The following MYO9A variants were observed in gnomAD, a reference collection of about 807,000 sequenced individuals.
The protein encoded by MYO9A is myosin IXA.
Under a neutral mutation model 293.3 loss-of-function variants are expected in MYO9A, and 103 were observed. That is an observed-to-expected ratio of 0.35 (90% CI 0.30 to 0.41). The LOEUF (loss-of-function observed/expected upper bound fraction) is 0.41, where lower values mean the gene tolerates loss of function less well. MYO9A is among the 10% of genes least tolerant of loss of function. The pLI is 1.00. For missense variants in MYO9A, 2,685 were observed against 3,033.0 expected (o/e 0.89, Z 2.69); for synonymous variants, 1,001 against 1,035.7 (o/e 0.97, Z 0.64).
At chr15:71,864,363 C>T (rs1374713734) in intron 32 of MYO9A, among the ~76,000 whole-genome samples, 2 of 152,124 alleles carry the variant, frequency 1.3e-5, no homozygotes, top group Non-Finnish European at 2.9e-5. Context: ...TAGACTAGAA[C>T]CCTCAGGTAC....
chr15:72,094,541 C>T lies in MYO9A; in HGVS notation c.-72+23139G>A, dbSNP rs1224385522. On this transcript the variant is annotated intron_variant, in intron 1 of 41. Transcript: ENST00000356056. The stretch of plus-strand genomic sequence containing the variant: ...TTATTTATTTTTAGAGACAGGATCT[C>T]GCTCTGTCACCCAGGTTGCAGTGCA... Among the ~76,000 whole-genome samples, 12 of 91,134 alleles carry T rather than the reference C, an allele frequency of 1.3e-4. 3 individuals carry two copies. The highest frequency in any genetic ancestry group is 3.1e-4 in the African/African-American group (12 of 38,654). 59.8% of individuals were successfully genotyped at this position (91,134 alleles called of 152,430 possible). A position where few individuals can be genotyped will look rare whatever the true frequency, so the allele number is the denominator to read the frequency against.
chr15:71,939,865 A>T (rs770799404), intron 15 of MYO9A, among the ~76,000 whole-genome samples: 24 of 152,176 alleles, frequency 1.6e-4, no homozygotes, highest in Non-Finnish European at 2.2e-4. Flanking sequence ...TAGGCAGAAA[A>T]TCCTATGGAA....
chr15:71,945,405 A>G lies in MYO9A; in HGVS notation c.2302+6372T>C, dbSNP rs541602695. Among the ~76,000 whole-genome samples, 6 of 151,850 alleles carry G rather than the reference A, an allele frequency of 4.0e-5. No homozygotes were observed. In the East Asian group the frequency reaches 7.7e-4, roughly 20 times the overall value. On this transcript the variant is annotated intron_variant, in intron 15 of 41. Coordinates refer to ENST00000356056, the MANE Select transcript of MYO9A (RefSeq NM_006901.4). ...ATTGCAGTCTTTTACAGAAATCGTA[A>G]AAGTGACATACCATCATTTTTGCCA...
intron 12 of MYO9A, among the ~76,000 whole-genome samples, chr15:71,969,416 G>T (rs954727014): frequency 2.0e-5 from 3 of 152,138 alleles, no homozygotes. Context: ...AGTCACCAAA[G>T]CATATTATCA....
chr15:71,936,984 G>A (rs1343295122), intron 16 of MYO9A, among the ~76,000 whole-genome samples: 1 of 150,270 alleles, frequency 6.7e-6, no homozygotes, highest in Admixed American at 6.6e-5. Context: ...GAGAGTGAGA[G>A]GAAGGAAGGA....
chr15:71,987,292 AGTTC>A (rs1419355889), intron 11 of MYO9A, among the ~76,000 whole-genome samples: 1 of 152,204 alleles, frequency 6.6e-6, no homozygotes, highest in Non-Finnish European at 1.5e-5. Flanking sequence ...TACTTCAACT[AGTTC>A]ATAGATTTTT....
rs57300333 is a variant in MYO9A, at chr15:71,867,798, T to TCACACACACACACACACACACACACACA, written c.5980-5215_5980-5188dup. Among the ~76,000 whole-genome samples the TCACACACACACACACACACACACACACA allele has an allele frequency of 6.5e-4, 83 of 127,626 alleles. 2 individuals are homozygous for TCACACACACACACACACACACACACACA. Among genetic ancestry groups the TCACACACACACACACACACACACACACA allele is most frequent in the African/African-American group, 2.4e-3 (81 of 33,698 alleles). The allele number at this position is 127,626 out of a possible 152,430, so 83.7% of individuals were successfully genotyped here. A position where few individuals can be genotyped will look rare whatever the true frequency, so the allele number is the denominator to read the frequency against. Reference sequence around the variant, plus strand: ...CACTAATTTCAATTCTGGGAATCCATCACACACACACACACACACACACAC... The same window carrying TCACACACACACACACACACACACACACA: ...CACTAATTTCAATTCTGGGAATCCATCACACACACACACACACACACACACACACACACACACACACACACACACACAC... On this transcript the variant is annotated intron_variant, in intron 32 of 41. Coordinates refer to ENST00000356056, the MANE Select transcript of MYO9A (RefSeq NM_006901.4).
At chr15:72,063,469 G>A (rs1447167078) in intron 1 of MYO9A, among the ~76,000 whole-genome samples, 1 of 152,176 alleles carries the variant, frequency 6.6e-6, no homozygotes, top group Non-Finnish European at 1.5e-5. Flanking sequence ...ACAACTCACA[G>A]AATGGGAGAA....
At chr15:72,002,731 C>T (rs1246733322) in intron 8 of MYO9A, among the ~76,000 whole-genome samples, 2 of 151,992 alleles carry the variant, frequency 1.3e-5, no homozygotes, top group African/African-American at 4.8e-5. Flanking sequence ...ATGATGAACA[C>T]CAAATTCACA....
At chr15:72,050,301 G>A (rs1317398715) in intron 1 of MYO9A, among the ~76,000 whole-genome samples, 1 of 151,946 alleles carries the variant, frequency 6.6e-6, no homozygotes, top group Admixed American at 6.6e-5. Flanking sequence ...AATCATCTGG[G>A]GAGCTTTTTC....
rs529542095 is a variant in MYO9A, at chr15:72,068,118, G to A, written c.-71-21484C>T. On this transcript the variant is annotated intron_variant, in intron 1 of 41. Transcript: ENST00000356056. The stretch of plus-strand genomic sequence containing the variant: ...TACTTGCCTATAGGACTATCAAATC[G>A]CCCTTCGACAGTCCTTATAGAAAAT... Among the ~76,000 whole-genome samples the A allele has an allele frequency of 2.6e-5, 4 of 152,062 alleles. No homozygotes were observed. In the South Asian group the frequency reaches 6.2e-4, roughly 24 times the overall value.
chr15:72,110,435 C>CA (rs397854173), intron 1 of MYO9A, among the ~76,000 whole-genome samples: 4,219 of 43,566 alleles, frequency 0.097, 225 homozygotes, highest in Non-Finnish European at 0.14. Context: ...GACTCCATCT[C>CA]AAAAAAAAAA....
At chr15:71,932,229 G>A (rs1409912946) in intron 18 of MYO9A, among the ~76,000 whole-genome samples, 5 of 152,058 alleles carry the variant, frequency 3.3e-5, no homozygotes, top group Non-Finnish European at 5.9e-5. Context: ...TCTAGCAAAC[G>A]TCTATATTTT....
At chr15:72,061,916 A>T (rs1358991937) in intron 1 of MYO9A, among the ~76,000 whole-genome samples, 3 of 152,214 alleles carry the variant, frequency 2.0e-5, no homozygotes, top group African/African-American at 4.8e-5. Flanking sequence ...TTCAGGTCTG[A>T]CCCAGCACAG....
intron 32 of MYO9A, among the ~76,000 whole-genome samples, chr15:71,873,032 C>T (rs894004597): frequency 6.6e-6 from 1 of 152,038 alleles, no homozygotes; most frequent in African/African-American, 2.4e-5. Context: ...CCTGCCTCAG[C>T]CTCCCGAGCA....
In MYO9A at chr15:71,825,867, T is replaced by TTAAACCAGCACTGATTACTATG. The variant is rs1423361508; in HGVS notation, c.*691_*712dup. On this transcript the variant is annotated 3_prime_UTR_variant, in exon 42 of 42. Coordinates refer to ENST00000356056, the MANE Select transcript of MYO9A (RefSeq NM_006901.4). ...GTATTTGGCAGGAACTAAACAGGAG[T>TTAAACCAGCACTGATTACTATG]TAAACCAGCACTGATTACTATGACA... is the stretch of plus-strand genomic sequence containing the variant. 1 of 152,104 alleles carries TTAAACCAGCACTGATTACTATG rather than the reference T, an allele frequency of 6.6e-6. No homozygotes were observed. Among genetic ancestry groups the TTAAACCAGCACTGATTACTATG allele is most frequent in the Admixed American group, 6.6e-5 (1 of 15,264 alleles). The allele number at this position is 152,104 out of a possible 1,614,324, so 9.4% of individuals were successfully genotyped here. A position where few individuals can be genotyped will look rare whatever the true frequency, so the allele number is the denominator to read the frequency against.
chr15:72,105,139 C>T (rs937492440), intron 1 of MYO9A, among the ~76,000 whole-genome samples: 3 of 152,154 alleles, frequency 2.0e-5, no homozygotes, highest in Non-Finnish European at 4.4e-5. Flanking sequence ...AACAAAGATA[C>T]CTCTGAAAGC....
chr15:72,085,378 TGAGA>T (rs1190182103), intron 1 of MYO9A, among the ~76,000 whole-genome samples: 1 of 147,554 alleles, frequency 6.8e-6, no homozygotes, highest in East Asian at 2.0e-4. Context: ...GGCGACAGAG[TGAGA>T]GAGTCTGTCT....
intron 27 of MYO9A, among the ~76,000 whole-genome samples, chr15:71,884,959 CT>C (rs544597176): frequency 0.14 from 19,319 of 136,516 alleles, 3,427 homozygotes; most frequent in African/African-American, 0.42. Flanking sequence ...TTCTTTCTTC[CT>C]TTTTTTTTTT....
Sources: allele counts gnomAD v4.1 joint callset (sites outside exome capture counted in the v4.1 genomes callset), GRCh38; gene constraint gnomAD v4.1.1; transcripts MANE v1.5; gene names NCBI Gene and HGNC (gene_info 2026-07-23, HGNC 2026-07-21).